Variants in SIPA1L1 observed in about 807,000 individuals in gnomAD.
The protein encoded by SIPA1L1 is signal induced proliferation associated 1 like 1.
SIPA1L1 carries 26 observed loss-of-function variants against 162.7 expected under a neutral mutation model. That is an observed-to-expected ratio of 0.16 (90% CI 0.12 to 0.22). The LOEUF (loss-of-function observed/expected upper bound fraction) is 0.22, where lower values mean the gene tolerates loss of function less well. Among genes scored for constraint, SIPA1L1 ranks in the 10% least tolerant of loss-of-function variants. The probability of loss-of-function intolerance (pLI) is 1.00; values close to 1 mark genes in which losing one functional copy is unlikely to be tolerated. For synonymous variants in SIPA1L1, 829 were observed against 837.4 expected, an observed-to-expected ratio of 0.99 and a Z score of 0.17; for missense variants, 1,874 against 2,241.0, an observed-to-expected ratio of 0.84 and a Z score of 3.31.
At chr14:71,353,139 T>C (rs1352158994) in intron 2 of SIPA1L1, among the ~76,000 whole-genome samples, 2 of 152,276 alleles carry the variant, frequency 1.3e-5, no homozygotes, top group African/African-American at 4.8e-5. Context: ...TATTGATTTA[T>C]AGAAATTTTA....
intron 12 of SIPA1L1, among the ~76,000 whole-genome samples, chr14:71,674,973 T>A (rs1433514273): frequency 1.3e-5 from 2 of 152,352 alleles, no homozygotes; most frequent in African/African-American, 4.8e-5. Context: ...CCACGTTGTG[T>A]GCTTAGAGCA....
Position 71,620,216 on chromosome 14 carries a change from T to A in SIPA1L1, c.1629+1329T>A, listed in dbSNP as rs181430614. 3.3e-5 allele frequency among the ~76,000 whole-genome samples: 5 copies of A among 152,226 alleles called. No individual in the cohort carries two copies. In the East Asian group the frequency reaches 9.7e-4, roughly 29 times the overall value. On this transcript the variant is annotated intron_variant, in intron 6 of 23. Coordinates refer to ENST00000381232, the MANE Select transcript of SIPA1L1 (RefSeq NM_001386936.1). ...TCCCGAGTAGCTGGGATTACAGGCATGCGCCACCATGCCCAGCTAATTTTG... is the reference window on the plus strand; with the variant it reads ...TCCCGAGTAGCTGGGATTACAGGCAAGCGCCACCATGCCCAGCTAATTTTG...
chr14:71,601,587 AG>A (rs1332574672), intron 5 of SIPA1L1, among the ~76,000 whole-genome samples: 1 of 152,172 alleles, frequency 6.6e-6, no homozygotes, highest in Non-Finnish European at 1.5e-5. Context: ...TTTTGGTATC[AG>A]GGTAATGCTG....
At chr14:71,382,082 G>A (rs182205795) in intron 2 of SIPA1L1, among the ~76,000 whole-genome samples, 28 of 152,278 alleles carry the variant, frequency 1.8e-4, no homozygotes, top group African/African-American at 6.7e-4. Context: ...CTTGTAAGAG[G>A]AAGCCAATCC....
chr14:71,430,008 G>A (rs944155834), intron 2 of SIPA1L1, among the ~76,000 whole-genome samples: 3 of 152,164 alleles, frequency 2.0e-5, no homozygotes, highest in Admixed American at 6.5e-5. Flanking sequence ...CTAGGTGTGA[G>A]GGTTGTCTTA....
intron 2 of SIPA1L1, among the ~76,000 whole-genome samples, chr14:71,323,972 T>A (rs1006139674): frequency 5.3e-5 from 8 of 152,240 alleles, no homozygotes; most frequent in Non-Finnish European, 1.0e-4. Flanking sequence ...TGAAATAATG[T>A]AACCTAGAAT....
chr14:71,354,301 A>G (rs1213613355), intron 2 of SIPA1L1, among the ~76,000 whole-genome samples: 7 of 142,126 alleles, frequency 4.9e-5, no homozygotes, highest in African/African-American at 1.6e-4. Context: ...TTTTTTTGAG[A>G]TGGAGTCACG....
chr14:71,639,572 T>G (rs1371969001), intron 7 of SIPA1L1, among the ~76,000 whole-genome samples: 1 of 152,206 alleles, frequency 6.6e-6, no homozygotes, highest in Non-Finnish European at 1.5e-5. Flanking sequence ...TAGACAAGAT[T>G]ATTCTAAAGT....
intron 2 of SIPA1L1, among the ~76,000 whole-genome samples, chr14:71,405,998 AAAG>A (rs752762053): frequency 1.2e-4 from 18 of 152,226 alleles, no homozygotes; most frequent in Non-Finnish European, 1.9e-4. Flanking sequence ...TCATGGGCAG[AAAG>A]AAGATTAATG....
At chr14:71,727,031 ATAT>A (rs2084305486) in intron 19 of SIPA1L1, among the ~76,000 whole-genome samples, 1 of 152,098 alleles carries the variant, frequency 6.6e-6, no homozygotes, top group Non-Finnish European at 1.5e-5. Flanking sequence ...GTTTTTGTTA[ATAT>A]TGAGTGGCAG....
intron 2 of SIPA1L1, among the ~76,000 whole-genome samples, chr14:71,397,566 A>C (rs2041309020): frequency 6.6e-6 from 1 of 152,098 alleles, no homozygotes; most frequent in African/African-American, 2.4e-5. Flanking sequence ...TTTGATTGTG[A>C]CAATTTCTAA....
intron 20 of SIPA1L1, 122 bp downstream of exon 20, chr14:71,730,423 C>T: frequency 9.0e-7 from 1 of 1,114,444 alleles, no homozygotes; most frequent in African/African-American, 1.6e-5. Flanking sequence ...GGTCTCAGCT[C>T]ACCCGCCCCT....
At chr14:71,616,919 C>A (rs546099043) in intron 5 of SIPA1L1, among the ~76,000 whole-genome samples, 1 of 152,054 alleles carries the variant, frequency 6.6e-6, no homozygotes, top group African/African-American at 2.4e-5. Flanking sequence ...ATGCCACCTG[C>A]CCATTGTGAG....
At chr14:71,466,048 C>T (rs2046969990) in intron 2 of SIPA1L1, among the ~76,000 whole-genome samples, 1 of 152,182 alleles carries the variant, frequency 6.6e-6, no homozygotes, top group Non-Finnish European at 1.5e-5. Context: ...GCAGCACCCT[C>T]ACAGACACAC....
At chr14:71,323,477 G>A (rs1342164930) in intron 2 of SIPA1L1, among the ~76,000 whole-genome samples, 3 of 152,084 alleles carry the variant, frequency 2.0e-5, no homozygotes, top group Non-Finnish European at 2.9e-5. Context: ...TTATTGGTCC[G>A]TATCAGTGCA....
chr14:71,544,001 G>T (rs551157006), intron 4 of SIPA1L1, among the ~76,000 whole-genome samples: 13 of 142,658 alleles, frequency 9.1e-5, no homozygotes, highest in Non-Finnish European at 1.8e-4. Flanking sequence ...ATACACACAC[G>T]CACATGTATA....
chr14:71,605,483 T>A (rs2037380225), intron 5 of SIPA1L1, among the ~76,000 whole-genome samples: 1 of 152,228 alleles, frequency 6.6e-6, no homozygotes, highest in South Asian at 2.1e-4. Flanking sequence ...TATGTACACA[T>A]CTGATGTAAC....
intron 4 of SIPA1L1, among the ~76,000 whole-genome samples, chr14:71,579,607 G>A (rs2033630178): frequency 6.6e-6 from 1 of 152,226 alleles, no homozygotes; most frequent in African/African-American, 2.4e-5. Flanking sequence ...TTAAGGACAT[G>A]CTAAGGCAAT....
chr14:71,374,593 G>C (rs2039200675), intron 2 of SIPA1L1, among the ~76,000 whole-genome samples: 1 of 151,584 alleles, frequency 6.6e-6, no homozygotes. Flanking sequence ...AAGTGGTCAT[G>C]CCTGGTTTAA....
Sources: allele counts gnomAD v4.1 joint callset (sites outside exome capture counted in the v4.1 genomes callset), GRCh38; gene constraint gnomAD v4.1.1; transcripts MANE v1.5; gene names NCBI Gene and HGNC (gene_info 2026-07-23, HGNC 2026-07-21).